Variants in ENTPD4 observed in about 807,000 individuals in gnomAD.
The protein encoded by ENTPD4 is ectonucleoside triphosphate diphosphohydrolase 4.
A neutral mutation model predicts 79.1 loss-of-function variants in ENTPD4; 60 were observed. That is an observed-to-expected ratio of 0.76 (90% CI 0.62 to 0.94). ENTPD4 has a LOEUF of 0.94. ENTPD4 is among the 40% of genes least tolerant of loss of function. ENTPD4 has a pLI of 0.00. For missense variants in ENTPD4, 772 were observed against 775.1 expected, an observed-to-expected ratio of 1.00 and a Z score of 0.05; for synonymous variants, 276 against 292.0, an observed-to-expected ratio of 0.95 and a Z score of 0.56.
At position 23,432,930 on chromosome 8, in the gene ENTPD4, A is replaced by T. The variant is rs1380653979; in HGVS notation, c.1847T>A (p.Leu616Ter). Reference sequence around the variant, plus strand: ...TTCGTGGAGCTGTGAGCTGGATCACAAGGTCCCCGGGGCATTCTGGGCGGG... The same window carrying T: ...TTCGTGGAGCTGTGAGCTGGATCACTAGGTCCCCGGGGCATTCTGGGCGGG... ...GLPAQNAPGT[L>*] The change falls in exon 13 of 13, where the codon TTG (leucine) becomes TAG (stop). Residue 616 changes from leucine (L) to a stop codon, truncating the protein, a stop_gained. Transcript: ENST00000358689. LOFTEE classifies it high-confidence loss of function. 1 of 1,593,356 alleles carries T rather than the reference A, an allele frequency of 6.3e-7. No individual in the cohort carries two copies. Among genetic ancestry groups the T allele is most frequent in the Admixed American group, 1.8e-5 (1 of 56,400 alleles).
Position 23,430,548 on chromosome 8 carries a change from AC to A in ENTPD4, c.*2377del. The A allele has an allele frequency of 1.0e-6, 1 of 984,254 alleles. No homozygotes were observed. The highest frequency in any genetic ancestry group is 1.2e-6 in the Non-Finnish European group (1 of 828,862). 61.0% of individuals were successfully genotyped at this position (984,254 alleles called of 1,614,324 possible). On this transcript the variant is annotated 3_prime_UTR_variant, in exon 13 of 13. Coordinates refer to ENST00000358689, the MANE Select transcript of ENTPD4 (RefSeq NM_004901.5). Reference sequence around the variant, plus strand: ...TATTTTAGTAAATATTCTAGGCTTTACAGGCCACATATAGTGTCTGCTGCAT... The same window carrying A: ...TATTTTAGTAAATATTCTAGGCTTTAAGGCCACATATAGTGTCTGCTGCAT...
chr8:23,450,016 C>A lies in ENTPD4; in HGVS notation c.-97-19G>T. The A allele has an allele frequency of 7.8e-7, 1 of 1,283,100 alleles. No individual in the cohort carries two copies. Among genetic ancestry groups the A allele is most frequent in the Non-Finnish European group, 1.1e-6 (1 of 883,526 alleles). 79.5% of individuals were successfully genotyped at this position (1,283,100 alleles called of 1,614,324 possible). A position where few individuals can be genotyped will look rare whatever the true frequency, so the allele number is the denominator to read the frequency against. ...AGCCCTCCTGTTCCAGGAAGTGAGACAAATCACAAAGATAGCATCATCAAA... is the reference window on the plus strand; with the variant it reads ...AGCCCTCCTGTTCCAGGAAGTGAGAAAAATCACAAAGATAGCATCATCAAA... On this transcript the variant is annotated intron_variant, in intron 1 of 12. Coordinates refer to ENST00000358689, the MANE Select transcript of ENTPD4 (RefSeq NM_004901.5).
At chr8:23,437,284 G>A (rs760880537) in intron 9 of ENTPD4, 26 bp from the exon 10 acceptor site, 23 of 1,528,112 alleles carry the variant, frequency 1.5e-5, no homozygotes, top group South Asian at 3.8e-5. Flanking sequence ...AAACTTCATC[G>A]TGAGTCCTAC....
At chr8:23,444,380 G>T in intron 5 of ENTPD4, 76 bp downstream of exon 5, 1 of 1,256,730 alleles carries the variant, frequency 8.0e-7, no homozygotes, top group South Asian at 1.3e-5. Flanking sequence ...GAGAGGAGAA[G>T]GAGGAAGGGG....
rs1392729766 is a variant in ENTPD4, at chr8:23,430,643, C to CA, written c.*2282dup. On this transcript the variant is annotated 3_prime_UTR_variant, in exon 13 of 13. Transcript: ENST00000358689. The stretch of plus-strand genomic sequence containing the variant: ...ATCCACTACTACCTCTCAGCTGGAG[C>CA]AATGAGGTTTTCTCAGCCCTTGTTT... 3.0e-6 allele frequency: 3 copies of CA among 985,364 alleles called. No homozygotes were observed. In the East Asian group the frequency reaches 3.4e-4, roughly 112 times the overall value. The allele number at this position is 985,364 out of a possible 1,614,324, so 61.0% of individuals were successfully genotyped here.
rs1307683731 is a variant in ENTPD4 at position 23,443,923 on chromosome 8, CAGA to C, written c.591_593del (p.Leu198del). 1.2e-6 allele frequency: 2 copies of C among 1,613,068 alleles called. No individual in the cohort carries two copies. The highest frequency in any genetic ancestry group is 1.7e-6 in the Non-Finnish European group (2 of 1,179,362). On this transcript the variant is annotated inframe_deletion, in exon 6 of 13. Transcript: ENST00000358689. The stretch of plus-strand genomic sequence containing the variant: ...AGTCAAAGTGCACGGGGATATCGGT[CAGA>C]AGGTCTTCCAGAATAGCTTTCTGCT...
At position 23,435,631 on chromosome 8, in the gene ENTPD4, A is replaced by C. The variant is rs112058580; in HGVS notation, c.1375-154T>G. 6.1e-3 allele frequency among the ~76,000 whole-genome samples: 927 copies of C among 152,320 alleles called. 10 individuals carry two copies. Among genetic ancestry groups the C allele is most frequent in the African/African-American group, 0.021 (870 of 41,570 alleles). On this transcript the variant is annotated intron_variant, in intron 10 of 12. Transcript: ENST00000358689. ...TATACAACAAATGGCAAGACACACA[A>C]ACACTCAGGGAATACTTACTGATTC...
At position 23,432,112 on chromosome 8, in the gene ENTPD4, T is replaced by A. The variant is rs1800465343; in HGVS notation, c.*814A>T. On this transcript the variant is annotated 3_prime_UTR_variant, in exon 13 of 13. Transcript: ENST00000358689. ...TTCTCTGTTTTGGATATAAATGGTT[T>A]AAAAAATTTAAATTTGCAAAGAAAA... The A allele has an allele frequency of 1.0e-6, 1 of 984,588 alleles. No homozygotes were observed. Among genetic ancestry groups the A allele is most frequent in the Non-Finnish European group, 1.2e-6 (1 of 829,444 alleles). The allele number at this position is 984,588 out of a possible 1,614,324, so 61.0% of individuals were successfully genotyped here.
chr8:23,452,251 G>A (rs1013890790), intron 1 of ENTPD4, among the ~76,000 whole-genome samples: 1 of 152,172 alleles, frequency 6.6e-6, no homozygotes, highest in Non-Finnish European at 1.5e-5. Flanking sequence ...TGCAGTTGTA[G>A]CTTTGCAGAC....
intron 8 of ENTPD4, 35 bp downstream of exon 8, chr8:23,441,533 CA>C (rs1409491609): frequency 6.2e-7 from 1 of 1,603,490 alleles, no homozygotes; most frequent in Non-Finnish European, 8.5e-7. Context: ...AAATGAAAAC[CA>C]AACCAAACAG....
intron 3 of ENTPD4, among the ~76,000 whole-genome samples, chr8:23,448,384 C>T (rs529497403): frequency 1.3e-5 from 2 of 152,102 alleles, no homozygotes; most frequent in African/African-American, 4.8e-5. Context: ...ATGTCTGGGG[C>T]CCCCCAAAAT....
In ENTPD4 at chr8:23,444,352, A is replaced by G. The variant is rs1319035346; in HGVS notation, c.563+104T>C. ...AAGAATTTTGAATATTTTCCTTTCA[A>G]TGATGATGATGATGATGGAGAGGAG... is the stretch of plus-strand genomic sequence containing the variant. On this transcript the variant is annotated intron_variant, in intron 5 of 12. Coordinates refer to ENST00000358689, the MANE Select transcript of ENTPD4 (RefSeq NM_004901.5). 1.2e-5 allele frequency: 10 copies of G among 854,820 alleles called. No homozygotes were observed. The South Asian group carries it at 1.9e-4, about 16-fold the overall frequency. The allele number at this position is 854,820 out of a possible 1,614,324, so 53.0% of individuals were successfully genotyped here. A position where few individuals can be genotyped will look rare whatever the true frequency, so the allele number is the denominator to read the frequency against.
At chr8:23,433,670 A>G (rs929989017) in intron 12 of ENTPD4, among the ~76,000 whole-genome samples, 44 of 152,186 alleles carry the variant, frequency 2.9e-4, no homozygotes, top group African/African-American at 1.1e-3. Flanking sequence ...GCTGACTGAG[A>G]TGTAGCATTT....
At chr8:23,449,844 T>C (rs765449070) in intron 2 of ENTPD4, 49 bp downstream of exon 2, 5 of 1,509,262 alleles carry the variant, frequency 3.3e-6, no homozygotes, top group Non-Finnish European at 4.6e-6. Context: ...AGACCTGTTT[T>C]TGCATCACCA....
chr8:23,440,159 T>C (rs1332206118), intron 8 of ENTPD4: 1 of 418,776 alleles, frequency 2.4e-6, no homozygotes, highest in East Asian at 4.0e-5. Flanking sequence ...AAATAGTTCA[T>C]ACCCTCTGAC....
At chr8:23,443,753 A>G in intron 6 of ENTPD4, 97 bp downstream of exon 6, 1 of 646,162 alleles carries the variant, frequency 1.5e-6, no homozygotes. Context: ...CCCAAATGTT[A>G]AGACAATAGG....
chr8:23,439,194 C>T lies in ENTPD4; in HGVS notation c.1049+555G>A, dbSNP rs917721170. Among the ~76,000 whole-genome samples, 6 of 152,304 alleles carry T rather than the reference C, an allele frequency of 3.9e-5. No individual in the cohort carries two copies. In the East Asian group the frequency reaches 1.2e-3, roughly 29 times the overall value. ...TCTATACCACAATTCTTCATACACT[C>T]ATTTTTTAAAGCTTCATTGCTAAAT... On this transcript the variant is annotated intron_variant, in intron 9 of 12. Transcript: ENST00000358689.
Position 23,430,761 on chromosome 8 carries a change from C to T in ENTPD4, c.*2165G>A, listed in dbSNP as rs1426649239. On this transcript the variant is annotated 3_prime_UTR_variant, in exon 13 of 13. Coordinates refer to ENST00000358689, the MANE Select transcript of ENTPD4 (RefSeq NM_004901.5). ...TGGGTGCCCACCTGCCCACTTCAAC[C>T]ATTTGTGGCCCCTTCCTTTCCTTTC... 2 of 985,586 alleles carry T rather than the reference C, an allele frequency of 2.0e-6. No homozygotes were observed. The highest frequency in any genetic ancestry group is 2.4e-6 in the Non-Finnish European group (2 of 830,158). 61.1% of individuals were successfully genotyped at this position (985,586 alleles called of 1,614,324 possible).
At chr8:23,456,621 G>C (rs186215502) in intron 1 of ENTPD4, among the ~76,000 whole-genome samples, 1 of 152,258 alleles carries the variant, frequency 6.6e-6, no homozygotes, top group Non-Finnish European at 1.5e-5. Context: ...AAGGTAAACA[G>C]AGAAATAAAC....
Sources: allele counts gnomAD v4.1 joint callset (sites outside exome capture counted in the v4.1 genomes callset), GRCh38; gene constraint gnomAD v4.1.1; transcripts MANE v1.5; gene names NCBI Gene and HGNC (gene_info 2026-07-23, HGNC 2026-07-21).